Variants in DIP2C observed in about 807,000 individuals in gnomAD.
The protein encoded by DIP2C is DIP2 acetate--CoA ligase C (putative).
In DIP2C, 33 loss-of-function variants were observed where a neutral mutation model predicts 192.4. The ratio of observed to expected loss-of-function variants is 0.17; its 90% CI spans 0.13 to 0.23. The LOEUF (loss-of-function observed/expected upper bound fraction) is 0.23. DIP2C is among the 10% of genes least tolerant of loss of function. DIP2C has a pLI of 1.00. For synonymous variants in DIP2C, 979 were observed against 864.1 expected (o/e 1.13, Z -2.33); for missense variants, 1,537 against 2,110.1 (o/e 0.73, Z 5.32).
At chr10:403,412 ATGTGTT>A (rs1589714550) in intron 9 of DIP2C, among the ~76,000 whole-genome samples, 3 of 3,628 alleles carry the variant, frequency 8.3e-4, no homozygotes, top group African/African-American at 9.1e-4. Context: ...CAAGTTTGGT[ATGTGTT>A]CATCAGCACA....
At chr10:447,817 T>C (rs1195143639) in intron 3 of DIP2C, among the ~76,000 whole-genome samples, 44 of 69,658 alleles carry the variant, frequency 6.3e-4, no homozygotes, top group East Asian at 1.9e-3. Flanking sequence ...ACCCGCTCAC[T>C]CCCGTCGATA....
intron 32 of DIP2C, among the ~76,000 whole-genome samples, chr10:296,362 G>T (rs1404351196): frequency 2.0e-5 from 3 of 148,154 alleles, no homozygotes; most frequent in African/African-American, 7.4e-5. Context: ...CAGTTAGAAT[G>T]GCAATCATTA....
intron 3 of DIP2C, among the ~76,000 whole-genome samples, chr10:471,443 C>T (rs767677785): frequency 1.3e-5 from 2 of 152,116 alleles, no homozygotes; most frequent in Non-Finnish European, 2.9e-5. Flanking sequence ...AGGCTTTCCT[C>T]GAACACCAGG....
intron 1 of DIP2C, among the ~76,000 whole-genome samples, chr10:565,354 T>TTAAAAAAAGAAAAAA (rs1554737793): frequency 8.8e-6 from 1 of 114,136 alleles, no homozygotes; most frequent in East Asian, 2.3e-4. Flanking sequence ...ACCTGCATTC[T>TTAAAAAAAGAAAAAA]AAAAAAAAAA....
chr10:552,145 T>C (rs1313527725), intron 1 of DIP2C, among the ~76,000 whole-genome samples: 2 of 152,254 alleles, frequency 1.3e-5, no homozygotes, highest in Admixed American at 6.5e-5. Context: ...AGGCTGTCGA[T>C]GGCAGCTCTA....
chr10:448,060 C>G (rs1466757083), intron 3 of DIP2C, among the ~76,000 whole-genome samples: 2 of 134,378 alleles, frequency 1.5e-5, no homozygotes, highest in African/African-American at 7.0e-5. Flanking sequence ...CAGCAGGACC[C>G]ACTCATCCCC....
chr10:363,332 G>A lies in DIP2C; in HGVS notation c.2478-21C>T. On this transcript the variant is annotated intron_variant, in intron 20 of 36. Transcript: ENST00000280886. The surrounding 1 kb of genome is among the most constrained non-coding windows in gnomAD (Gnocchi z 5.4). The stretch of plus-strand genomic sequence containing the variant: ...CTATCCTGCGGGGACACAGGAGCAT[G>A]GTGAGCACGCGCCGGGGACGCTCAT... 6 of 1,604,938 alleles carry A rather than the reference G, an allele frequency of 3.7e-6. No homozygotes were observed. Among genetic ancestry groups the A allele is most frequent in the Non-Finnish European group, 5.1e-6 (6 of 1,176,752 alleles).
chr10:291,493 AAGGGC>A (rs1955496328), intron 32 of DIP2C, among the ~76,000 whole-genome samples: 1 of 152,236 alleles, frequency 6.6e-6, no homozygotes, highest in African/African-American at 2.4e-5. Context: ...CCCCGTATCT[AAGGGC>A]AGAAGAGATG....
At position 417,099 on chromosome 10, in the gene DIP2C, C is replaced by A. The variant is rs117390077; in HGVS notation, c.740-1211G>T. Among the ~76,000 whole-genome samples the A allele has an allele frequency of 6.1e-3, 927 of 152,304 alleles. 3 individuals carry two copies. The highest frequency in any genetic ancestry group is 0.014 in the East Asian group (71 of 5,190). On this transcript the variant is annotated intron_variant, in intron 6 of 36. Coordinates refer to ENST00000280886, the MANE Select transcript of DIP2C (RefSeq NM_014974.3). ...CACAATCCAGAACTCTCAATATCCA[C>A]ACATAGTATGTTCCCATTAAATAGC...
intron 1 of DIP2C, among the ~76,000 whole-genome samples, chr10:575,469 C>T (rs941836749): frequency 6.6e-6 from 1 of 152,164 alleles, no homozygotes; most frequent in Non-Finnish European, 1.5e-5. Flanking sequence ...AACTCAGCTT[C>T]TGCCAAAACA....
Position 477,639 on chromosome 10 carries a change from G to A in DIP2C, c.158-5090C>T, listed in dbSNP as rs546641762. Among the ~76,000 whole-genome samples, 297 of 136,192 alleles carry A rather than the reference G, an allele frequency of 2.2e-3. 2 individuals are homozygous for A. Among genetic ancestry groups the A allele is most frequent in the Middle Eastern group, 7.5e-3 (2 of 268 alleles). The allele number at this position is 136,192 out of a possible 152,430, so 89.3% of individuals were successfully genotyped here. A position where few individuals can be genotyped will look rare whatever the true frequency, so the allele number is the denominator to read the frequency against. On this transcript the variant is annotated intron_variant, in intron 2 of 36. Coordinates refer to ENST00000280886, the MANE Select transcript of DIP2C (RefSeq NM_014974.3). ...TGGGAGGAAGGTGGATGGGTGGGAGGAAGAGAAGAAAAATAGATGAACAGG... is the reference window on the plus strand; with the variant it reads ...TGGGAGGAAGGTGGATGGGTGGGAGAAAGAGAAGAAAAATAGATGAACAGG...
chr10:522,811 TCC>T (rs980242567), intron 1 of DIP2C, among the ~76,000 whole-genome samples: 3 of 152,222 alleles, frequency 2.0e-5, no homozygotes, highest in Admixed American at 6.5e-5. Flanking sequence ...AGATACGTTC[TCC>T]CCGTCTGCGT....
chr10:286,600 G>C (rs2132169360), intron 33 of DIP2C, among the ~76,000 whole-genome samples: 1 of 152,202 alleles, frequency 6.6e-6, no homozygotes, highest in Non-Finnish European at 1.5e-5. Flanking sequence ...TAAACATTTT[G>C]ATTGTCAGTC....
chr10:683,579 C>CA (rs1436651997), intron 1 of DIP2C, among the ~76,000 whole-genome samples: 5 of 152,184 alleles, frequency 3.3e-5, no homozygotes, highest in African/African-American at 1.2e-4. Context: ...TTCCAGAGGA[C>CA]AAAATGCCCG....
At chr10:422,040 A>ATT (rs71376833) in intron 5 of DIP2C, among the ~76,000 whole-genome samples, 17 of 151,860 alleles carry the variant, frequency 1.1e-4, no homozygotes, top group East Asian at 5.8e-4. Context: ...CCCACTGATG[A>ATT]TTTTTTCAGG....
At chr10:467,696 C>T (rs937153968) in intron 3 of DIP2C, among the ~76,000 whole-genome samples, 1 of 151,770 alleles carries the variant, frequency 6.6e-6, no homozygotes, top group African/African-American at 2.4e-5. Context: ...AGTCAACTAA[C>T]ACCAGAACAG....
intron 2 of DIP2C, among the ~76,000 whole-genome samples, chr10:479,147 A>G (rs893094065): frequency 1.3e-5 from 2 of 152,156 alleles, no homozygotes; most frequent in African/African-American, 4.8e-5. Flanking sequence ...TTCACATCGT[A>G]AAACTTTCTA....
At chr10:609,361 AAT>A (rs1375823375) in intron 1 of DIP2C, among the ~76,000 whole-genome samples, 1 of 152,230 alleles carries the variant, frequency 6.6e-6, no homozygotes, top group African/African-American at 2.4e-5. Flanking sequence ...TATTTTGTAA[AAT>A]AAAAGCATCA....
intron 29 of DIP2C, among the ~76,000 whole-genome samples, chr10:334,537 T>A (rs1186678769): frequency 6.6e-6 from 1 of 152,172 alleles, no homozygotes; most frequent in Non-Finnish European, 1.5e-5. Context: ...TTTACTCCTG[T>A]GTTTTCTAAA....
Sources: allele counts gnomAD v4.1 joint callset (sites outside exome capture counted in the v4.1 genomes callset), GRCh38; gene constraint gnomAD v4.1.1; non-coding constraint Gnocchi (gnomAD v3.1); transcripts MANE v1.5; gene names NCBI Gene and HGNC (gene_info 2026-07-23, HGNC 2026-07-21).